UBE2D3: variants seen among roughly 807,000 people sequenced by gnomAD.
UBE2D3 encodes ubiquitin conjugating enzyme E2 D3.
A neutral mutation model predicts 22.8 loss-of-function variants in UBE2D3; 2 were observed. The observed-to-expected ratio is 0.09, with a 90% CI of 0.04 to 0.28. The LOEUF (loss-of-function observed/expected upper bound fraction) is 0.28. Among genes scored for constraint, UBE2D3 ranks in the 10% least tolerant of loss-of-function variants. The pLI is 1.00. For synonymous variants in UBE2D3, 56 were observed against 60.4 expected, an observed-to-expected ratio of 0.93 and a Z score of 0.34; for missense variants, 27 against 182.5, an observed-to-expected ratio of 0.15 and a Z score of 4.91.
At chr4:102,831,733 C>T (rs1310484532), upstream of UBE2D3, among the ~76,000 whole-genome samples, 1 of 152,122 alleles carries the variant, frequency 6.6e-6, no homozygotes, top group African/African-American at 2.4e-5. Context: ...AGCTGGTTTA[C>T]TTACAAACAC....
At chr4:102,858,624 G>A (rs1304817264) in intron 1 of UBE2D3, among the ~76,000 whole-genome samples, 1 of 151,818 alleles carries the variant, frequency 6.6e-6, no homozygotes, top group East Asian at 1.9e-4. Context: ...TGTAGTAAAA[G>A]CTTCCAAGTT....
chr4:102,820,952 T>A (rs968273733), intron 2 of UBE2D3, among the ~76,000 whole-genome samples: 1 of 152,178 alleles, frequency 6.6e-6, no homozygotes, highest in Non-Finnish European at 1.5e-5. Context: ...TTACAATAGA[T>A]TATGTTGAAA....
intron 1 of UBE2D3, among the ~76,000 whole-genome samples, chr4:102,842,243 A>T (rs1731793738): frequency 7.4e-6 from 1 of 134,638 alleles, no homozygotes. Flanking sequence ...TTTTGATACT[A>T]AAAAAAAAAA....
chr4:102,839,568 G>A (rs544449609), intron 1 of UBE2D3, among the ~76,000 whole-genome samples: 34 of 152,196 alleles, frequency 2.2e-4, no homozygotes, highest in African/African-American at 6.0e-4. Context: ...TACTGCACCC[G>A]GCCTCATATG....
rs990354846 is a variant in UBE2D3, at chr4:102,827,515, C to G, written c.-217G>C. On this transcript the variant is annotated 5_prime_UTR_variant, in exon 1 of 8. Transcript: ENST00000453744. ...TCCCCGGCCCTACGGGGCTCACGCG[C>G]ACGACACAGCCACAAGATGTCCGCT... 1.0e-6 allele frequency: 1 copy of G among 986,120 alleles called. No individual in the cohort carries two copies. The allele number at this position is 986,120 out of a possible 1,614,324, so 61.1% of individuals were successfully genotyped here.
intron 1 of UBE2D3, among the ~76,000 whole-genome samples, chr4:102,868,090 T>TTTTG: frequency 6.7e-6 from 1 of 149,444 alleles, no homozygotes. Context: ...TTTTTTTTTT[T>TTTTG]GTGACGGAGT....
At chr4:102,865,491 C>CAAAA (rs10604973) in intron 1 of UBE2D3, among the ~76,000 whole-genome samples, 30 of 66,724 alleles carry the variant, frequency 4.5e-4, no homozygotes, top group African/African-American at 1.6e-3. Context: ...CTGTCTCAAC[C>CAAAA]AAAAAAAAAA....
At chr4:102,836,306 C>T (rs953199878) in intron 1 of UBE2D3, among the ~76,000 whole-genome samples, 14 of 151,788 alleles carry the variant, frequency 9.2e-5, no homozygotes, top group African/African-American at 2.4e-4. Context: ...GCCACCACGC[C>T]GGCTAATTTT....
chr4:102,846,325 A>G (rs1026224040), intron 1 of UBE2D3, among the ~76,000 whole-genome samples: 1 of 152,198 alleles, frequency 6.6e-6, no homozygotes, highest in African/African-American at 2.4e-5. Context: ...TCTCCTCTAC[A>G]ATATGCCCAG....
intron 2 of UBE2D3, among the ~76,000 whole-genome samples, chr4:102,823,491 T>G (rs763920795): frequency 6.6e-6 from 1 of 152,154 alleles, no homozygotes; most frequent in Non-Finnish European, 1.5e-5. Flanking sequence ...CTTCCAGAAA[T>G]AAAAACCCTT....
chr4:102,799,177 A>T (rs188108831), intron 7 of UBE2D3, among the ~76,000 whole-genome samples: 1 of 152,080 alleles, frequency 6.6e-6, no homozygotes, highest in East Asian at 1.9e-4. Context: ...ATACTGTTTA[A>T]CACGCTAGGA....
chr4:102,835,899 C>G (rs1224507250), intron 1 of UBE2D3, among the ~76,000 whole-genome samples: 1 of 152,066 alleles, frequency 6.6e-6, no homozygotes, highest in African/African-American at 2.4e-5. Flanking sequence ...TCTTAACCCA[C>G]AGGACACCTC....
At chr4:102,846,615 A>T (rs145844477) in intron 1 of UBE2D3, among the ~76,000 whole-genome samples, 1 of 152,094 alleles carries the variant, frequency 6.6e-6, no homozygotes, top group Admixed American at 6.6e-5. Flanking sequence ...AACTGGAGGC[A>T]CTAATAGGTA....
intron 1 of UBE2D3, among the ~76,000 whole-genome samples, chr4:102,863,934 G>A (rs898834673): frequency 1.8e-4 from 27 of 152,050 alleles, no homozygotes; most frequent in Non-Finnish European, 7.3e-5. Context: ...TATTAGTATT[G>A]ACACATTACA....
chr4:102,799,301 C>CTAT, intron 7 of UBE2D3, 106 bp downstream of exon 7: 1 of 865,510 alleles, frequency 1.2e-6, no homozygotes, highest in Non-Finnish European at 1.8e-6. Flanking sequence ...CATATTTTAA[C>CTAT]TATTATCTTA....
upstream of UBE2D3, chr4:102,827,675 C>G: frequency 1.0e-6 from 1 of 986,220 alleles, no homozygotes; most frequent in Non-Finnish European, 1.2e-6. Flanking sequence ...CGGCTTGCTT[C>G]CCACGTCCGG....
chr4:102,842,152 C>A (rs1307622006), intron 1 of UBE2D3, among the ~76,000 whole-genome samples: 6 of 150,902 alleles, frequency 4.0e-5, no homozygotes, highest in Non-Finnish European at 8.8e-5. Context: ...TACCGTAGAT[C>A]TAGATATTTA....
At chr4:102,806,558 C>G (rs1727078902) in intron 4 of UBE2D3, among the ~76,000 whole-genome samples, 1 of 151,868 alleles carries the variant, frequency 6.6e-6, no homozygotes, top group Admixed American at 6.6e-5. Context: ...TACCTATGGA[C>G]CAATTATTTT....
chr4:102,817,707 A>G (rs1728975138), intron 2 of UBE2D3, among the ~76,000 whole-genome samples: 1 of 152,206 alleles, frequency 6.6e-6, no homozygotes, highest in African/African-American at 2.4e-5. Flanking sequence ...TTATTTCCGC[A>G]TAACCATCCA....
Sources: allele counts gnomAD v4.1 joint callset (sites outside exome capture counted in the v4.1 genomes callset), GRCh38; gene constraint gnomAD v4.1.1; transcripts MANE v1.5; gene names NCBI Gene and HGNC (gene_info 2026-07-23, HGNC 2026-07-21).